PALM2AKAP2: variants seen among roughly 807,000 people sequenced by gnomAD.
PALM2AKAP2 encodes PALM2 and AKAP2 fusion, also known as PALM2-AKAP2 fusion protein.
In PALM2AKAP2, 37 loss-of-function variants were observed where a neutral mutation model predicts 71.5. The observed-to-expected ratio is 0.52, with a 90% CI of 0.40 to 0.68. PALM2AKAP2 has a LOEUF of 0.68. PALM2AKAP2 is among the 30% of genes least tolerant of loss of function. The pLI, the probability that PALM2AKAP2 is intolerant of heterozygous loss-of-function variation, is 0.00. For synonymous variants in PALM2AKAP2, 468 were observed against 478.8 expected, an observed-to-expected ratio of 0.98 and a Z score of 0.29; for missense variants, 1,224 against 1,191.8, an observed-to-expected ratio of 1.03 and a Z score of -0.40.
At chr9:109,935,448 A>C (rs746642290) in intron 6 of PALM2AKAP2, among the ~76,000 whole-genome samples, 1 of 152,230 alleles carries the variant, frequency 6.6e-6, no homozygotes, top group Non-Finnish European at 1.5e-5. Context: ...CACCCAAGGC[A>C]CATGTTTCTG....
intron 7 of PALM2AKAP2, among the ~76,000 whole-genome samples, chr9:110,027,426 A>T (rs1451956263): frequency 1.3e-5 from 2 of 152,246 alleles, no homozygotes; most frequent in Non-Finnish European, 2.9e-5. Flanking sequence ...TTGTCCATAT[A>T]TACTAAGACT....
intron 3 of PALM2AKAP2, among the ~76,000 whole-genome samples, chr9:109,912,799 T>C (rs1156394075): frequency 6.6e-6 from 1 of 152,180 alleles, no homozygotes; most frequent in Non-Finnish European, 1.5e-5. Context: ...GGTCAGATAA[T>C]CACATCTCAG....
At chr9:110,067,571 TAA>T (rs1389773342) in intron 1 of PALM2AKAP2, among the ~76,000 whole-genome samples, 7 of 152,158 alleles carry the variant, frequency 4.6e-5, no homozygotes, top group Non-Finnish European at 1.0e-4. Context: ...ACAGTCCTCT[TAA>T]AAAAGGCATC....
intron 1 of PALM2AKAP2, chr9:109,866,953 A>T (rs1359425368): frequency 9.0e-6 from 4 of 445,558 alleles, no homozygotes; most frequent in African/African-American, 8.1e-5. Context: ...TTTCATTTGC[A>T]TTGTTTGGTA....
At chr9:109,941,096 CT>C (rs1174913853) in intron 6 of PALM2AKAP2, among the ~76,000 whole-genome samples, 1 of 148,428 alleles carries the variant, frequency 6.7e-6, no homozygotes, top group Non-Finnish European at 1.5e-5. Context: ...CCTTCCTCTT[CT>C]TTTTTCTTCC....
chr9:109,695,311 A>G (rs1827954290), intron 1 of PALM2AKAP2, among the ~76,000 whole-genome samples: 1 of 152,146 alleles, frequency 6.6e-6, no homozygotes, highest in Non-Finnish European at 1.5e-5. Flanking sequence ...TTTTGGATGT[A>G]TTCCCAGCGG....
At chr9:110,002,188 C>T (rs1311452101) in intron 6 of PALM2AKAP2, among the ~76,000 whole-genome samples, 1 of 152,216 alleles carries the variant, frequency 6.6e-6, no homozygotes, top group African/African-American at 2.4e-5. Context: ...AGATACGTCC[C>T]ATCAATACCC....
intron 2 of PALM2AKAP2, among the ~76,000 whole-genome samples, chr9:110,138,754 T>G (rs1341885742): frequency 1.3e-5 from 2 of 152,204 alleles, no homozygotes; most frequent in Admixed American, 6.5e-5. Context: ...TTTGCCACTT[T>G]CCAGAGGATG....
At chr9:109,957,716 T>A (rs1831774903) in intron 6 of PALM2AKAP2, among the ~76,000 whole-genome samples, 1 of 152,208 alleles carries the variant, frequency 6.6e-6, no homozygotes, top group Non-Finnish European at 1.5e-5. Flanking sequence ...TTGCTATGTA[T>A]TAGAACCTGG....
chr9:109,787,485 A>C (rs1239854239), intron 1 of PALM2AKAP2, among the ~76,000 whole-genome samples: 2 of 152,234 alleles, frequency 1.3e-5, no homozygotes, highest in Non-Finnish European at 2.9e-5. Context: ...TTTTCAATGC[A>C]TGAAGATAGT....
At chr9:110,062,176 G>T (rs761184825) in intron 1 of PALM2AKAP2, among the ~76,000 whole-genome samples, 13 of 152,148 alleles carry the variant, frequency 8.5e-5, no homozygotes, top group African/African-American at 1.2e-4. Flanking sequence ...GTGCTTTGCT[G>T]CACCTATCAA....
chr9:109,950,998 C>A (rs1399150221), intron 6 of PALM2AKAP2, among the ~76,000 whole-genome samples: 1 of 152,274 alleles, frequency 6.6e-6, no homozygotes, highest in Admixed American at 6.5e-5. Context: ...GTAGCTCCAA[C>A]TCCAATTCTG....
intron 2 of PALM2AKAP2, among the ~76,000 whole-genome samples, chr9:110,149,809 A>T (rs981580224): frequency 6.6e-6 from 1 of 152,198 alleles, no homozygotes; most frequent in Non-Finnish European, 1.5e-5. Context: ...AAAAATACAC[A>T]TGCATTATCT....
chr9:110,015,959 G>A (rs778269555), exon 7 of PALM2AKAP2: 29 of 1,613,716 alleles, frequency 1.8e-5, no homozygotes, highest in African/African-American at 5.3e-5. Flanking sequence ...TTCAGGAGTC[G>A]GGTGGGAGAA....
chr9:109,879,566 A>G (rs1305155319), intron 2 of PALM2AKAP2, among the ~76,000 whole-genome samples: 2 of 152,078 alleles, frequency 1.3e-5, no homozygotes, highest in Non-Finnish European at 2.9e-5. Context: ...GAATTTCAAC[A>G]TGCTTTTTTC....
In PALM2AKAP2 at chr9:110,068,517, T is replaced by TA. The variant is rs1564287996; in HGVS notation, c.156+19662_156+19663insA. ...TACTGAGGGCAAAATTGGAGCTTTT[T>TA]TAAAAAAAAAAAAAAATTTAATTTT... is the stretch of plus-strand genomic sequence containing the variant. On this transcript the variant is annotated intron_variant, in intron 1 of 3. Coordinates refer to ENST00000374525, the Ensembl canonical transcript of PALM2AKAP2. Among the ~76,000 whole-genome samples, 18 of 145,416 alleles carry TA rather than the reference T, an allele frequency of 1.2e-4. 1 individual carries two copies. The highest frequency in any genetic ancestry group is 4.3e-4 in the African/African-American group (16 of 37,490).
chr9:109,722,287 C>T (rs553153234), intron 1 of PALM2AKAP2, among the ~76,000 whole-genome samples: 4 of 152,250 alleles, frequency 2.6e-5, no homozygotes, highest in East Asian at 3.9e-4. Flanking sequence ...AGAATACACA[C>T]GCATACACAC....
chr9:109,931,367 AG>A (rs1226321763), intron 5 of PALM2AKAP2, among the ~76,000 whole-genome samples: 4 of 152,226 alleles, frequency 2.6e-5, no homozygotes, highest in Admixed American at 2.6e-4. Flanking sequence ...ACCAGCCTGC[AG>A]TATTGAAAAC....
At chr9:110,079,758 C>T (rs1834402673) in intron 1 of PALM2AKAP2, among the ~76,000 whole-genome samples, 2 of 152,058 alleles carry the variant, frequency 1.3e-5, no homozygotes, top group South Asian at 4.1e-4. Context: ...TTGTTGCCTA[C>T]TGAGAAAATA....
Sources: gnomAD v4.1 joint callset for allele counts (sites outside exome capture counted in the v4.1 genomes callset) on GRCh38, gnomAD v4.1.1 for gene constraint, MANE v1.5 for transcripts, NCBI Gene and HGNC (gene_info 2026-07-23, HGNC 2026-07-21) for gene names.